ANKS1B: variants seen among roughly 807,000 people sequenced by gnomAD.
ANKS1B encodes the protein ankyrin repeat and sterile alpha motif domain containing 1B.
Under a neutral mutation model 148.3 loss-of-function variants are expected in ANKS1B, and 36 were observed. That is an observed-to-expected ratio of 0.24 (90% confidence interval 0.19 to 0.32). The LOEUF (loss-of-function observed/expected upper bound fraction) is 0.32, where lower values mean the gene tolerates loss of function less well. Among genes scored for constraint, ANKS1B ranks in the 10% least tolerant of loss-of-function variants. ANKS1B has a pLI of 1.00. For missense variants in ANKS1B, 1,157 were observed against 1,542.6 expected (o/e 0.75, Z 4.19); for synonymous variants, 542 against 560.8 (o/e 0.97, Z 0.47).
chr12:99,831,830 T>A (rs1164673416), intron 1 of ANKS1B, among the ~76,000 whole-genome samples: 1 of 152,120 alleles, frequency 6.6e-6, no homozygotes, highest in African/African-American at 2.4e-5. Context: ...AATGGCTCAA[T>A]ATATGTGACA....
intron 9 of ANKS1B, among the ~76,000 whole-genome samples, chr12:99,583,196 A>G (rs536884263): frequency 7.7e-4 from 118 of 152,276 alleles, no homozygotes; most frequent in African/African-American, 2.8e-3. Flanking sequence ...ACCAAAATTA[A>G]TCACTTCAAC....
intron 17 of ANKS1B, among the ~76,000 whole-genome samples, chr12:98,941,825 C>T (rs1041338453): frequency 2.6e-5 from 4 of 151,956 alleles, no homozygotes; most frequent in African/African-American, 4.8e-5. Context: ...ATGTGATGGG[C>T]AGAATATATA....
chr12:99,765,334 G>A (rs1473213525), intron 8 of ANKS1B, among the ~76,000 whole-genome samples: 1 of 152,152 alleles, frequency 6.6e-6, no homozygotes, highest in Non-Finnish European at 1.5e-5. Flanking sequence ...AGATATTATA[G>A]TTTGGTCACT....
intron 17 of ANKS1B, among the ~76,000 whole-genome samples, chr12:98,998,195 A>G (rs912040943): frequency 6.6e-5 from 10 of 152,190 alleles, no homozygotes; most frequent in African/African-American, 2.4e-4. Context: ...CTGACACTTC[A>G]TGATAATTGT....
At position 99,550,623 on chromosome 12, in the gene ANKS1B, C is replaced by CAA. The variant is rs34087621; in HGVS notation, c.1273-45984_1273-45983dup. ...TGGGTGACAGAGTGAAACTCTATCT[C>CAA]AAAAAAAAAAAAAAATTGAAGTTTG... On this transcript the variant is annotated intron_variant, in intron 9 of 26. Transcript: ENST00000683438. Among the ~76,000 whole-genome samples, 866 of 134,302 alleles carry CAA rather than the reference C, an allele frequency of 6.4e-3. 3 individuals carry two copies. The highest frequency in any genetic ancestry group is 0.013 in the South Asian group (54 of 4,104). 88.1% of individuals were successfully genotyped at this position (134,302 alleles called of 152,430 possible).
At chr12:99,549,774 C>G (rs769375677) in intron 9 of ANKS1B, among the ~76,000 whole-genome samples, 1 of 152,212 alleles carries the variant, frequency 6.6e-6, no homozygotes, top group Non-Finnish European at 1.5e-5. Context: ...GTTAGCCCAA[C>G]ATTTTGTAAA....
At chr12:98,990,550 AAGAG>A (rs145443410) in intron 17 of ANKS1B, among the ~76,000 whole-genome samples, 3 of 148,924 alleles carry the variant, frequency 2.0e-5, no homozygotes, top group African/African-American at 5.0e-5. Flanking sequence ...CAGGATGATA[AAGAG>A]AGAGAGAGAG....
chr12:99,322,290 G>A (rs10777967), intron 12 of ANKS1B, among the ~76,000 whole-genome samples: 13,009 of 151,710 alleles, frequency 0.086, 1,152 homozygotes, highest in East Asian at 0.49. Flanking sequence ...CACTCATAAG[G>A]GGTAGTTGTA....
At chr12:98,944,537 G>A (rs190893924) in intron 17 of ANKS1B, among the ~76,000 whole-genome samples, 146 of 152,196 alleles carry the variant, frequency 9.6e-4, no homozygotes, top group Non-Finnish European at 1.8e-3. Context: ...AGGGGCAATT[G>A]CTCTGCCTAC....
intron 1 of ANKS1B, among the ~76,000 whole-genome samples, chr12:99,831,365 T>C (rs186229190): frequency 3.3e-4 from 50 of 152,280 alleles, no homozygotes; most frequent in African/African-American, 1.2e-3. Context: ...TGGTACAATT[T>C]TTCTGGAAGG....
At chr12:98,887,332 C>T (rs997536285) in intron 17 of ANKS1B, among the ~76,000 whole-genome samples, 8 of 152,124 alleles carry the variant, frequency 5.3e-5, no homozygotes, top group East Asian at 1.9e-4. Context: ...AGGTGATTTG[C>T]GTTTTCCCAT....
At chr12:99,785,083 T>C (rs1052169985) in intron 4 of ANKS1B, among the ~76,000 whole-genome samples, 5 of 152,084 alleles carry the variant, frequency 3.3e-5, no homozygotes, top group Non-Finnish European at 7.3e-5. Flanking sequence ...GAACACAGGA[T>C]GAAAAACTAG....
chr12:99,252,933 G>C (rs1325729610), intron 12 of ANKS1B, among the ~76,000 whole-genome samples: 1 of 152,102 alleles, frequency 6.6e-6, no homozygotes, highest in African/African-American at 2.4e-5. Flanking sequence ...CATATAATGG[G>C]GCAGTAGGGG....
intron 9 of ANKS1B, among the ~76,000 whole-genome samples, chr12:99,519,263 A>T (rs2096852256): frequency 6.6e-6 from 1 of 152,076 alleles, no homozygotes; most frequent in Non-Finnish European, 1.5e-5. Context: ...GATTAAGTTC[A>T]ATGTTTCTTT....
chr12:99,970,937 T>C (rs577723951), intron 1 of ANKS1B, among the ~76,000 whole-genome samples: 3 of 152,332 alleles, frequency 2.0e-5, no homozygotes, highest in East Asian at 1.9e-4. Context: ...CCCATTATTC[T>C]GCAAGTACAT....
intron 25 of ANKS1B, among the ~76,000 whole-genome samples, chr12:98,769,165 C>CTTTTTTTTTTTTTTTTTTTTT (rs1182264550): frequency 4.9e-5 from 2 of 41,232 alleles, no homozygotes; most frequent in Non-Finnish European, 8.7e-5. Flanking sequence ...GTCTTCTTTA[C>CTTTTTTTTTTTTTTTTTTTTT]TTTTTTTTTT....
intron 9 of ANKS1B, among the ~76,000 whole-genome samples, chr12:99,626,531 T>C (rs1598373922): frequency 6.6e-6 from 1 of 152,292 alleles, no homozygotes; most frequent in Non-Finnish European, 1.5e-5. Flanking sequence ...CCTCTAATCA[T>C]TGCTTACCTG....
At chr12:98,946,640 G>T (rs2153049881) in intron 17 of ANKS1B, among the ~76,000 whole-genome samples, 1 of 152,154 alleles carries the variant, frequency 6.6e-6, no homozygotes, top group South Asian at 2.1e-4. Context: ...GGGTGGTCAG[G>T]TTTCACCTCA....
intron 12 of ANKS1B, among the ~76,000 whole-genome samples, chr12:99,318,479 G>A (rs992929004): frequency 3.9e-5 from 6 of 152,170 alleles, no homozygotes; most frequent in African/African-American, 1.4e-4. Flanking sequence ...TTCTTTGAGG[G>A]TAGTTTGTAT....
Sources: allele counts gnomAD v4.1 joint callset (sites outside exome capture counted in the v4.1 genomes callset), GRCh38; gene constraint gnomAD v4.1.1; transcripts MANE v1.5; gene names NCBI Gene and HGNC (gene_info 2026-07-23, HGNC 2026-07-21).